The following CNTN4 variants were observed in gnomAD, a reference collection of about 807,000 sequenced individuals.
The protein encoded by CNTN4 is contactin 4.
CNTN4 carries 77 observed loss-of-function variants against 122.5 expected under a neutral mutation model. The ratio of observed to expected loss-of-function variants is 0.63; its 90% CI spans 0.52 to 0.76. The LOEUF (loss-of-function observed/expected upper bound fraction) is 0.76, where lower values mean the gene tolerates loss of function less well. Ranked by LOEUF, CNTN4 falls within the 30% of genes least tolerant of loss-of-function variation. The probability of loss-of-function intolerance (pLI) is 0.00; values close to 1 mark genes in which losing one functional copy is unlikely to be tolerated. For missense variants in CNTN4, 1,256 were observed against 1,259.1 expected, an observed-to-expected ratio of 1.00 and a Z score of 0.04; for synonymous variants, 512 against 447.0, an observed-to-expected ratio of 1.15 and a Z score of -1.83.
intron 13 of CNTN4, among the ~76,000 whole-genome samples, chr3:2,951,664 A>G (rs771776336): frequency 1.2e-4 from 19 of 152,218 alleles, no homozygotes; most frequent in Non-Finnish European, 2.6e-4. Flanking sequence ...AAAAGGTCCT[A>G]CAAGGAAGGT....
intron 3 of CNTN4, among the ~76,000 whole-genome samples, chr3:2,439,826 G>A (rs140058085): frequency 0.018 from 2,791 of 152,200 alleles, 46 homozygotes; most frequent in South Asian, 0.038. Flanking sequence ...TCCAGTGCCC[G>A]AGGCATTCAG....
At chr3:2,256,614 C>G (rs554967964) in intron 2 of CNTN4, among the ~76,000 whole-genome samples, 1 of 152,296 alleles carries the variant, frequency 6.6e-6, no homozygotes, top group East Asian at 1.9e-4. Flanking sequence ...ATCTTCATCA[C>G]TGGGATGCAA....
At chr3:2,988,683 CCAATA>C in intron 14 of CNTN4, 2 of 578,458 alleles carry the variant, frequency 3.5e-6, no homozygotes, top group Non-Finnish European at 6.1e-6. Context: ...TCAGAATCAT[CCAATA>C]CAATTTTGAG....
chr3:3,038,808 C>G lies in CNTN4; in HGVS notation c.2093-125C>G, dbSNP rs553568355. Reference sequence around the variant, plus strand: ...GCCCCTTGACAATGCTGTTGCTGATCTCCAGAGACAAAGGGGCGTGCCTCA... The same window carrying G: ...GCCCCTTGACAATGCTGTTGCTGATGTCCAGAGACAAAGGGGCGTGCCTCA... On this transcript the variant is annotated intron_variant, in intron 18 of 24. Transcript: ENST00000418658. The G allele has an allele frequency of 1.9e-5, 14 of 720,650 alleles. No homozygotes were observed. In the East Asian group the frequency reaches 3.1e-4, roughly 16 times the overall value. 44.6% of individuals were successfully genotyped at this position (720,650 alleles called of 1,614,324 possible). A position where few individuals can be genotyped will look rare whatever the true frequency, so the allele number is the denominator to read the frequency against.
chr3:2,667,501 A>G (rs966428615), intron 4 of CNTN4, among the ~76,000 whole-genome samples: 1 of 152,168 alleles, frequency 6.6e-6, no homozygotes, highest in Non-Finnish European at 1.5e-5. Context: ...GCCCTTTGTC[A>G]GATGAGTAGA....
chr3:2,105,442 G>C (rs935052831), intron 2 of CNTN4, among the ~76,000 whole-genome samples: 6 of 152,198 alleles, frequency 3.9e-5, no homozygotes, highest in Non-Finnish European at 5.9e-5. Flanking sequence ...AATTCACTCA[G>C]TTCCGCATGG....
intron 17 of CNTN4, among the ~76,000 whole-genome samples, chr3:3,035,083 G>C (rs1699484589): frequency 6.6e-6 from 1 of 152,104 alleles, no homozygotes; most frequent in Non-Finnish European, 1.5e-5. Context: ...AGAGTTGGAT[G>C]GATCGCGTGA....
intron 2 of CNTN4, among the ~76,000 whole-genome samples, chr3:2,171,595 G>T (rs527254319): frequency 6.6e-6 from 1 of 152,116 alleles, no homozygotes; most frequent in African/African-American, 2.4e-5. Flanking sequence ...GGACATTATC[G>T]TCTATATTCT....
At chr3:2,224,130 G>A (rs1017777099) in intron 2 of CNTN4, among the ~76,000 whole-genome samples, 2 of 152,096 alleles carry the variant, frequency 1.3e-5, no homozygotes, top group Non-Finnish European at 2.9e-5. Context: ...TTTACAAAAG[G>A]ACAGCTTTTC....
chr3:2,607,653 A>G (rs1449531451), intron 4 of CNTN4, among the ~76,000 whole-genome samples: 2 of 96,402 alleles, frequency 2.1e-5, no homozygotes, highest in African/African-American at 3.2e-5. Context: ...CAGTATAAAA[A>G]CATGGTAATG....
At chr3:2,724,740 C>A (rs529130441) in intron 4 of CNTN4, among the ~76,000 whole-genome samples, 1 of 152,108 alleles carries the variant, frequency 6.6e-6, no homozygotes, top group South Asian at 2.1e-4. Flanking sequence ...CAGTGGGAAA[C>A]GGAGGGTGTC....
At chr3:2,952,042 C>T (rs1328702250) in intron 13 of CNTN4, among the ~76,000 whole-genome samples, 1 of 152,192 alleles carries the variant, frequency 6.6e-6, no homozygotes, top group African/African-American at 2.4e-5. Flanking sequence ...ACAGAGAGGC[C>T]ATTCTACTAC....
intron 7 of CNTN4, among the ~76,000 whole-genome samples, chr3:2,829,918 G>T (rs542684131): frequency 3.3e-5 from 5 of 152,240 alleles, no homozygotes; most frequent in South Asian, 2.1e-4. Flanking sequence ...TCTAGTAAGA[G>T]AGATGCTTAA....
intron 3 of CNTN4, among the ~76,000 whole-genome samples, chr3:2,411,247 T>C (rs1250059237): frequency 6.6e-6 from 1 of 152,146 alleles, no homozygotes. Flanking sequence ...GGTGATGGAT[T>C]GATAGGTGCA....
intron 3 of CNTN4, among the ~76,000 whole-genome samples, chr3:2,341,364 T>C (rs2044205129): frequency 6.6e-6 from 1 of 152,220 alleles, no homozygotes; most frequent in Non-Finnish European, 1.5e-5. Context: ...CACTGTGAAC[T>C]TCTGAAGCCA....
intron 6 of CNTN4, among the ~76,000 whole-genome samples, chr3:2,779,138 G>T (rs2091464965): frequency 6.6e-6 from 1 of 152,130 alleles, no homozygotes; most frequent in Admixed American, 6.5e-5. Context: ...TTATCTGGTG[G>T]GGGGAGGGTA....
chr3:2,981,138 T>C (rs899682260), intron 13 of CNTN4, among the ~76,000 whole-genome samples: 1 of 152,224 alleles, frequency 6.6e-6, no homozygotes, highest in Non-Finnish European at 1.5e-5. Context: ...ATTTAGGGGC[T>C]GCTTTTCGTT....
chr3:2,560,672 C>T (rs1319408799), intron 3 of CNTN4, among the ~76,000 whole-genome samples: 1 of 152,188 alleles, frequency 6.6e-6, no homozygotes, highest in East Asian at 1.9e-4. Context: ...TTAAGTCTAT[C>T]TACAAAGACC....
intron 8 of CNTN4, among the ~76,000 whole-genome samples, chr3:2,874,228 T>C (rs2093817588): frequency 6.6e-6 from 1 of 152,168 alleles, no homozygotes; most frequent in Non-Finnish European, 1.5e-5. Context: ...GGCTACTCAG[T>C]TAGAAAGCAT....
Sources: gnomAD v4.1 joint callset for allele counts (sites outside exome capture counted in the v4.1 genomes callset) on GRCh38, gnomAD v4.1.1 for gene constraint, MANE v1.5 for transcripts, NCBI Gene and HGNC (gene_info 2026-07-23, HGNC 2026-07-21) for gene names.